The following PDE12 variants were observed in gnomAD, a reference collection of about 807,000 sequenced individuals.
The protein encoded by PDE12 is phosphodiesterase 12.
In PDE12, 26 loss-of-function variants were observed where a neutral mutation model predicts 45.4. That is an observed-to-expected ratio of 0.57 (90% confidence interval 0.42 to 0.79). PDE12 has a LOEUF of 0.79. PDE12 is among the 30% of genes least tolerant of loss of function. The pLI, the probability that PDE12 is intolerant of heterozygous loss-of-function variation, is 0.00. For missense variants in PDE12, 668 were observed against 790.0 expected (o/e 0.85, Z 1.85); for synonymous variants, 283 against 323.9 (o/e 0.87, Z 1.36).
At chr3:57,628,758 AC>A in the PDE12 span, 1 of 1,565,500 alleles carries the variant, frequency 6.4e-7, no homozygotes, top group East Asian at 2.2e-5. Flanking sequence ...ACATGAGAGG[AC>A]AATGTCTTCA....
chr3:57,642,085 C>A, the PDE12 span, among the ~76,000 whole-genome samples: 2 of 151,890 alleles, frequency 1.3e-5, no homozygotes, highest in Non-Finnish European at 1.5e-5. Flanking sequence ...GAGGCTGAGG[C>A]GGGCAGATCA....
chr3:57,623,922 A>G, the PDE12 span, among the ~76,000 whole-genome samples: 1 of 152,222 alleles, frequency 6.6e-6, no homozygotes, highest in Non-Finnish European at 1.5e-5. Flanking sequence ...ACACAAGTCT[A>G]GTGGTGAAGC....
the PDE12 span, among the ~76,000 whole-genome samples, chr3:57,593,196 G>GC: frequency 1.3e-5 from 2 of 151,982 alleles, no homozygotes; most frequent in Non-Finnish European, 2.9e-5. Flanking sequence ...GGGTGACAGA[G>GC]CAAAACCCTG....
At chr3:57,618,904 G>A in the PDE12 span, among the ~76,000 whole-genome samples, 2 of 151,690 alleles carry the variant, frequency 1.3e-5, no homozygotes, top group Admixed American at 1.3e-4. Context: ...CACTCCACCT[G>A]GCCAACAAAT....
rs897421302 is a variant in PDE12, at chr3:57,564,668, T to C, written c.*4664T>C. ...TCTTATACTGGATAATATAAACACT[T>C]TTTTTTTCTTTTTTGAGACAGGGTC... On this transcript the variant is annotated 3_prime_UTR_variant, in exon 3 of 3. Transcript: ENST00000311180. 4 of 151,870 alleles carry C rather than the reference T, an allele frequency of 2.6e-5. No homozygotes were observed. The highest frequency in any genetic ancestry group is 5.9e-5 in the Non-Finnish European group (4 of 67,990). The allele number at this position is 151,870 out of a possible 1,614,324, so 9.4% of individuals were successfully genotyped here. A position where few individuals can be genotyped will look rare whatever the true frequency, so the allele number is the denominator to read the frequency against.
chr3:57,584,116 T>A, the PDE12 span: 2 of 797,864 alleles, frequency 2.5e-6, no homozygotes, highest in Admixed American at 2.9e-5. Flanking sequence ...TTTTTATTTT[T>A]AAAAAATATA....
At chr3:57,633,627 G>T in the PDE12 span, among the ~76,000 whole-genome samples, 1 of 152,158 alleles carries the variant, frequency 6.6e-6, no homozygotes, top group African/African-American at 2.4e-5. Flanking sequence ...CGTGGCTCAC[G>T]TCTGTAATCC....
the PDE12 span, chr3:57,583,915 A>G: frequency 6.2e-7 from 1 of 1,603,790 alleles, no homozygotes; most frequent in Non-Finnish European, 8.5e-7. Context: ...TTCTGGAAGT[A>G]ATGCTTCCAG....
chr3:57,649,721 T>C, the PDE12 span, among the ~76,000 whole-genome samples: 1 of 151,816 alleles, frequency 6.6e-6, no homozygotes, highest in African/African-American at 2.4e-5. Flanking sequence ...CCCTGGGCCC[T>C]GACATTCTAC....
the PDE12 span, among the ~76,000 whole-genome samples, chr3:57,635,200 G>GGTTTTGTTTT: frequency 2.2e-3 from 328 of 151,458 alleles, no homozygotes; most frequent in African/African-American, 6.8e-3. Flanking sequence ...GGGTTTGTGG[G>GGTTTTGTTTT]GTTTTGTTTT....
the PDE12 span, among the ~76,000 whole-genome samples, chr3:57,616,730 A>C: frequency 6.6e-6 from 1 of 152,182 alleles, no homozygotes; most frequent in Admixed American, 6.5e-5. Context: ...ATTACCAAAA[A>C]AATGACAAAC....
the PDE12 span, among the ~76,000 whole-genome samples, chr3:57,592,030 CT>C: frequency 1.3e-5 from 2 of 152,150 alleles, no homozygotes; most frequent in African/African-American, 4.8e-5. Context: ...GAACTGTACA[CT>C]TTAACAGGGT....
At chr3:57,615,791 G>A in the PDE12 span, among the ~76,000 whole-genome samples, 1 of 151,744 alleles carries the variant, frequency 6.6e-6, no homozygotes, top group South Asian at 2.1e-4. Flanking sequence ...ATGCCAGAGC[G>A]AGACTCTATC....
chr3:57,648,073 G>A, the PDE12 span, among the ~76,000 whole-genome samples: 2 of 152,084 alleles, frequency 1.3e-5, no homozygotes, highest in Non-Finnish European at 2.9e-5. Context: ...AATTTAAACT[G>A]TCACTGTTTG....
chr3:57,561,484 T>C lies in PDE12; in HGVS notation c.*1480T>C, dbSNP rs1330512268. On this transcript the variant is annotated 3_prime_UTR_variant, in exon 3 of 3. Transcript: ENST00000311180. Reference sequence around the variant, plus strand: ...AGCCAAACTTTTTAAAATTAGAAACTACAAATGGTTATACTGATTAGTGTC... The same window carrying C: ...AGCCAAACTTTTTAAAATTAGAAACCACAAATGGTTATACTGATTAGTGTC... 2.0e-6 allele frequency: 2 copies of C among 984,330 alleles called. No homozygotes were observed. The highest frequency in any genetic ancestry group is 2.4e-6 in the Non-Finnish European group (2 of 828,914). 61.0% of individuals were successfully genotyped at this position (984,330 alleles called of 1,614,324 possible).
rs1485889018 is a variant in PDE12 at position 57,557,617 on chromosome 3, A to T, written c.1238A>T (p.Glu413Val). ...EALESDPLHK[E>V]LLEKLVLYPS... The stretch of plus-strand genomic sequence containing the variant: ...CTCGAGTCCGACCCACTTCACAAAG[A>T]ACTGCTGGAGAAACTAGTTTTGTAC... Residue 413 changes from glutamate to valine, a missense_variant, in exon 1 of 3, where the codon GAA becomes GTA. Glu to Val is a moderately radical substitution (Grantham distance 121). This residue lies in a region of PDE12 where 580 missense variants were observed against 662.9 expected (regional missense o/e 0.87). Coordinates refer to ENST00000311180, the MANE Select transcript of PDE12 (RefSeq NM_177966.7). 2 of 1,614,164 alleles carry T rather than the reference A, an allele frequency of 1.2e-6. No homozygotes were observed. Among genetic ancestry groups the T allele is most frequent in the Non-Finnish European group, 1.7e-6 (2 of 1,180,028 alleles).
the PDE12 span, among the ~76,000 whole-genome samples, chr3:57,622,341 C>G: frequency 6.6e-6 from 1 of 152,168 alleles, no homozygotes; most frequent in African/African-American, 2.4e-5. Context: ...CATCAAAGGT[C>G]ATTAGCAAAA....
At chr3:57,597,118 A>T in the PDE12 span, 6 of 1,614,102 alleles carry the variant, frequency 3.7e-6, no homozygotes, top group Non-Finnish European at 5.1e-6. Context: ...TCGGGAGAAG[A>T]GGGAGGAGAT....
the PDE12 span, among the ~76,000 whole-genome samples, chr3:57,624,807 AAAG>A: frequency 2.0e-5 from 3 of 152,174 alleles, no homozygotes; most frequent in East Asian, 1.9e-4. Flanking sequence ...TACTTTTAAA[AAAG>A]AAGAGGAAGA....
Sources: allele counts gnomAD v4.1 joint callset (sites outside exome capture counted in the v4.1 genomes callset), GRCh38; gene constraint gnomAD v4.1.1; regional missense constraint gnomAD v4.1.1; transcripts MANE v1.5; gene names NCBI Gene and HGNC (gene_info 2026-07-23, HGNC 2026-07-21).